The following DIP2B variants were observed in gnomAD, a reference collection of about 807,000 sequenced individuals.
DIP2B encodes the protein DIP2 acetate--CoA ligase B (putative), also known as disco-interacting protein 2 homolog B.
A neutral mutation model predicts 198.0 loss-of-function variants in DIP2B; 76 were observed. That is an observed-to-expected ratio of 0.38 (90% CI 0.32 to 0.46). The LOEUF (loss-of-function observed/expected upper bound fraction) is 0.46. Among genes scored for constraint, DIP2B ranks in the 20% least tolerant of loss-of-function variants. The pLI is 0.99. For missense variants in DIP2B, 1,559 were observed against 1,978.4 expected (o/e 0.79, Z 4.02); for synonymous variants, 701 against 739.1 (o/e 0.95, Z 0.84).
Position 50,566,434 on chromosome 12 carries a change from G to T in DIP2B, c.101-59542G>T, listed in dbSNP as rs181084460. 4.9e-4 allele frequency among the ~76,000 whole-genome samples: 75 copies of T among 152,098 alleles called. 1 individual carries two copies. Among genetic ancestry groups the T allele is most frequent in the African/African-American group, 1.7e-3 (70 of 41,470 alleles). ...AAGAAAGCCCATTTATTTTAATTCT[G>T]GTTTCATTACATATAATGTGTCTTT... On this transcript the variant is annotated intron_variant, in intron 1 of 37. Coordinates refer to ENST00000301180, the MANE Select transcript of DIP2B (RefSeq NM_173602.3).
At chr12:50,571,108 G>C (rs889781540) in intron 1 of DIP2B, among the ~76,000 whole-genome samples, 1 of 152,024 alleles carries the variant, frequency 6.6e-6, no homozygotes, top group Admixed American at 6.6e-5. Context: ...GTAGTGGAGG[G>C]GTTGGGGAAG....
intron 1 of DIP2B, among the ~76,000 whole-genome samples, chr12:50,593,244 C>T (rs10783378): frequency 0.27 from 41,257 of 152,040 alleles, 5,952 homozygotes; most frequent in East Asian, 0.39. Context: ...CAGTGGCTCA[C>T]GCCTGTAATC....
At chr12:50,716,529 A>G (rs1053234459) in intron 23 of DIP2B, among the ~76,000 whole-genome samples, 1 of 152,034 alleles carries the variant, frequency 6.6e-6, no homozygotes, top group Non-Finnish European at 1.5e-5. Flanking sequence ...CTCTGTCTCA[A>G]AAAACAAAAC....
chr12:50,732,738 A>G (rs374079640), intron 32 of DIP2B, among the ~76,000 whole-genome samples: 1 of 152,154 alleles, frequency 6.6e-6, no homozygotes, highest in Admixed American at 6.5e-5. Flanking sequence ...GTGCTTCCCC[A>G]GGCAGCTTGC....
At chr12:50,699,028 G>C in intron 18 of DIP2B, 38 bp from the exon 19 acceptor site, 3 of 1,599,914 alleles carry the variant, frequency 1.9e-6, no homozygotes, top group Non-Finnish European at 2.6e-6. Context: ...AAGTTTTCTA[G>C]AATCTTTGTC....
chr12:50,531,153 C>A (rs1199537851), intron 1 of DIP2B, among the ~76,000 whole-genome samples: 1 of 152,234 alleles, frequency 6.6e-6, no homozygotes, highest in African/African-American at 2.4e-5. Context: ...TCACGCCATT[C>A]TCCTGCCTCA....
At chr12:50,742,642 T>TA (rs1414589019) in intron 37 of DIP2B, among the ~76,000 whole-genome samples, 1 of 152,100 alleles carries the variant, frequency 6.6e-6, no homozygotes, top group Non-Finnish European at 1.5e-5. Context: ...ACGCCTATAA[T>TA]CCCAGCACTT....
In DIP2B at chr12:50,695,358, A is replaced by G; in HGVS notation, c.1811A>G (p.Lys604Arg). The G allele has an allele frequency of 6.2e-7, 1 of 1,612,598 alleles. No individual in the cohort carries two copies. The highest frequency in any genetic ancestry group is 8.5e-7 in the Non-Finnish European group (1 of 1,178,758). The stretch of plus-strand genomic sequence containing the variant: ...TGGGTCCAAAGAGTACATGCTCACA[A>G]AGGTAGTCACCTGCAACATCTGAGC... Reference protein sequence around the residue: ...LSWVQRVHAHKAKVALVKCRD... With the variant: ...LSWVQRVHAHRAKVALVKCRD... The change falls in exon 15 of 38, where the codon AAA becomes AGA. Residue 604 changes from lysine (K) to arginine (R), a missense_variant and splice_region_variant. Lys to Arg is a conservative substitution (Grantham distance 26, BLOSUM62 2). Coordinates refer to ENST00000301180, the MANE Select transcript of DIP2B (RefSeq NM_173602.3).
intron 1 of DIP2B, among the ~76,000 whole-genome samples, chr12:50,527,088 T>C (rs1958173366): frequency 6.6e-6 from 1 of 152,380 alleles, no homozygotes; most frequent in Middle Eastern, 3.4e-3. Flanking sequence ...AAAAACTGAA[T>C]ATTTCACATG....
In DIP2B at chr12:50,625,979, A is replaced by G. The variant is rs1443278274; in HGVS notation, c.104A>G (p.Asp35Gly). 1.2e-6 allele frequency: 2 copies of G among 1,614,010 alleles called. No individual in the cohort carries two copies. Among genetic ancestry groups the G allele is most frequent in the African/African-American group, 1.3e-5 (1 of 75,016 alleles). Reference protein sequence around the residue: ...AELELELSEGDITQKGYEKKR... With the variant: ...AELELELSEGGITQKGYEKKR... ...TTTCTGTTTCTTGCTATTTTAGGGGACATCACCCAGAAGGGCTATGAAAAG... is the reference window on the plus strand; with the variant it reads ...TTTCTGTTTCTTGCTATTTTAGGGGGCATCACCCAGAAGGGCTATGAAAAG... Residue 35 changes from aspartate (D) to glycine (G), a missense_variant, in exon 2 of 38, where the codon GAC becomes GGC. Transcript: ENST00000301180.
chr12:50,697,964 C>A (rs187197529), intron 17 of DIP2B, among the ~76,000 whole-genome samples: 1 of 152,136 alleles, frequency 6.6e-6, no homozygotes, highest in East Asian at 1.9e-4. Context: ...CACAGTGACA[C>A]GATCATTGTA....
intron 12 of DIP2B, among the ~76,000 whole-genome samples, chr12:50,688,974 T>C (rs1939177418): frequency 6.6e-6 from 1 of 152,214 alleles, no homozygotes; most frequent in African/African-American, 2.4e-5. Context: ...GATCCTCCTA[T>C]TACCCACAGG....
At chr12:50,653,997 C>G (rs984234177) in intron 3 of DIP2B, among the ~76,000 whole-genome samples, 6 of 152,088 alleles carry the variant, frequency 3.9e-5, no homozygotes, top group Admixed American at 6.5e-5. Flanking sequence ...CCTCAGCCTC[C>G]TGAGTAGCTG....
chr12:50,579,680 T>A (rs866176974), intron 1 of DIP2B, among the ~76,000 whole-genome samples: 1 of 2,586 alleles, frequency 3.9e-4, no homozygotes, highest in Non-Finnish European at 7.5e-4. Context: ...TATATATATA[T>A]ATATATATAT....
chr12:50,607,338 T>C (rs1958992202), intron 1 of DIP2B, among the ~76,000 whole-genome samples: 2 of 152,138 alleles, frequency 1.3e-5, no homozygotes, highest in African/African-American at 4.8e-5. Flanking sequence ...CAAAGAGACA[T>C]AGCTAGTAAA....
chr12:50,521,209 C>T (rs988616495), intron 1 of DIP2B, among the ~76,000 whole-genome samples: 1 of 144,996 alleles, frequency 6.9e-6, no homozygotes. Flanking sequence ...CGGGTTTAAT[C>T]GATTCTCCTG....
chr12:50,602,781 C>T (rs1958948531), intron 1 of DIP2B, among the ~76,000 whole-genome samples: 1 of 148,942 alleles, frequency 6.7e-6, no homozygotes, highest in East Asian at 2.0e-4. Context: ...ATCACTTGAA[C>T]CTGAGAGGTG....
At position 50,675,281 on chromosome 12, in the gene DIP2B, TATCCTTA is replaced by T. The variant is rs749925087; in HGVS notation, c.797-47_797-41del. 1.3e-4 allele frequency: 204 copies of T among 1,591,584 alleles called. No homozygotes were observed. The Admixed American group carries it at 3.6e-3, about 28-fold the overall frequency. On this transcript the variant is annotated intron_variant, in intron 6 of 37. Coordinates refer to ENST00000301180, the MANE Select transcript of DIP2B (RefSeq NM_173602.3). Reference sequence around the variant, plus strand: ...TCCTGAGGGAACTGAGGAACTAAAATATCCTTACAGTCAATGAATTTTAACTTAACCA... The same window carrying T: ...TCCTGAGGGAACTGAGGAACTAAAATCAGTCAATGAATTTTAACTTAACCA...
rs1318001978 is a variant in DIP2B, at chr12:50,593,557, C to CCTAAAAATT, written c.101-32418_101-32410dup. The stretch of plus-strand genomic sequence containing the variant: ...GCAGTCCATTAAGGATATGTCCCAA[C>CCTAAAAATT]CTAAAAATTATTCCACCCATTTTGC... On this transcript the variant is annotated intron_variant, in intron 1 of 37. Coordinates refer to ENST00000301180, the MANE Select transcript of DIP2B (RefSeq NM_173602.3). 2.0e-5 allele frequency among the ~76,000 whole-genome samples: 3 copies of CCTAAAAATT among 151,222 alleles called. No homozygotes were observed. In the East Asian group the frequency reaches 5.9e-4, roughly 30 times the overall value.
Sources: gnomAD v4.1 joint callset for allele counts (sites outside exome capture counted in the v4.1 genomes callset) on GRCh38, gnomAD v4.1.1 for gene constraint, MANE v1.5 for transcripts, NCBI Gene and HGNC (gene_info 2026-07-23, HGNC 2026-07-21) for gene names.